The following RPRD2 variants were observed in gnomAD, a reference collection of about 807,000 sequenced individuals.
The protein encoded by RPRD2 is regulation of nuclear pre-mRNA domain-containing protein 2.
In RPRD2, 12 loss-of-function variants were observed where a neutral mutation model predicts 104.4. The ratio of observed to expected loss-of-function variants is 0.11; its 90% CI spans 0.07 to 0.19. RPRD2 has a LOEUF of 0.19. RPRD2 is among the 10% of genes least tolerant of loss of function. The pLI is 1.00. For synonymous variants in RPRD2, 714 were observed against 684.9 expected (o/e 1.04, Z -0.66); for missense variants, 1,543 against 1,790.1 (o/e 0.86, Z 2.49).
Position 150,470,774 on chromosome 1 carries a change from C to A in RPRD2, c.1826C>A (p.Ala609Asp). ...SEVSSTSASK[A>D]SIGQSPGLPS... ...GTCTCTTCAACTTCAGCCAGCAAGG[C>A]CTCAATTGGGCAAAGCCCAGGGCTC... Residue 609 changes from alanine to aspartate, a missense_variant, in exon 11 of 11, where the codon GCC becomes GAC. By Grantham distance (126) the Ala-to-Asp change is moderately radical (BLOSUM62 -2). Transcript: ENST00000369068. 1 of 1,614,044 alleles carries A rather than the reference C, an allele frequency of 6.2e-7. No individual in the cohort carries two copies. Among genetic ancestry groups the A allele is most frequent in the Non-Finnish European group, 8.5e-7 (1 of 1,179,906 alleles).
chr1:150,449,473 T>C (rs587772074), intron 7 of RPRD2, among the ~76,000 whole-genome samples: 4 of 152,282 alleles, frequency 2.6e-5, no homozygotes, highest in African/African-American at 9.6e-5. Context: ...TTTTAATTAA[T>C]CAAATAATTT....
At chr1:150,390,045 C>G (rs2102172870) in intron 1 of RPRD2, among the ~76,000 whole-genome samples, 1 of 152,248 alleles carries the variant, frequency 6.6e-6, no homozygotes, top group African/African-American at 2.4e-5. Context: ...AAAGCTTTCT[C>G]TGATTAGGCT....
rs1484543655 is a variant in RPRD2 at position 150,364,509 on chromosome 1, G to C, written c.-206G>C. 3.9e-6 allele frequency: 2 copies of C among 510,748 alleles called. No individual in the cohort carries two copies. The highest frequency in any genetic ancestry group is 6.4e-5 in the East Asian group (2 of 31,344). The allele number at this position is 510,748 out of a possible 1,614,324, so 31.6% of individuals were successfully genotyped here. A position where few individuals can be genotyped will look rare whatever the true frequency, so the allele number is the denominator to read the frequency against. ...CCTCCGAGACCCGCAGCCCCTCCTT[G>C]CAGCGTGTAGGAGCTGCCAGCGTGC... is the stretch of plus-strand genomic sequence containing the variant. On this transcript the variant is annotated 5_prime_UTR_variant, in exon 1 of 11. Coordinates refer to ENST00000369068, the MANE Select transcript of RPRD2 (RefSeq NM_015203.5).
At chr1:150,388,522 CAT>C (rs60120982) in intron 1 of RPRD2, among the ~76,000 whole-genome samples, 2 of 144,364 alleles carry the variant, frequency 1.4e-5, no homozygotes, top group South Asian at 2.2e-4. Flanking sequence ...CACACACACA[CAT>C]ATATACACCC....
Position 150,397,267 on chromosome 1 carries a change from C to A in RPRD2, c.206-20329C>A, listed in dbSNP as rs375233252. Among the ~76,000 whole-genome samples, 6 of 152,298 alleles carry A rather than the reference C, an allele frequency of 3.9e-5. No individual in the cohort carries two copies. In the East Asian group the frequency reaches 9.6e-4, roughly 24 times the overall value. On this transcript the variant is annotated intron_variant, in intron 1 of 10. Coordinates refer to ENST00000369068, the MANE Select transcript of RPRD2 (RefSeq NM_015203.5). Reference sequence around the variant, plus strand: ...GGGATTACAGGCGTCAGCCACTGCACCCGGCCACAACAGCAAGTCTTATTG... The same window carrying A: ...GGGATTACAGGCGTCAGCCACTGCAACCGGCCACAACAGCAAGTCTTATTG...
rs587665075 is a variant in RPRD2, at chr1:150,394,501, G to C, written c.206-23095G>C. Among the ~76,000 whole-genome samples, 7 of 152,304 alleles carry C rather than the reference G, an allele frequency of 4.6e-5. No individual in the cohort carries two copies. The South Asian group carries it at 1.5e-3, about 32-fold the overall frequency. ...TAAATGTTGTATATATAGAGAGATA[G>C]AGCTGATGCGGCAAGATATTAACGA... On this transcript the variant is annotated intron_variant, in intron 1 of 10. Transcript: ENST00000369068.
At chr1:150,379,702 A>G (rs1553880346) in intron 1 of RPRD2, among the ~76,000 whole-genome samples, 1 of 152,096 alleles carries the variant, frequency 6.6e-6, no homozygotes, top group African/African-American at 2.4e-5. Context: ...ACGCCTGGCA[A>G]ATTTTTGTAT....
intron 2 of RPRD2, among the ~76,000 whole-genome samples, chr1:150,423,146 A>G (rs1463790066): frequency 6.6e-6 from 1 of 152,186 alleles, no homozygotes; most frequent in Non-Finnish European, 1.5e-5. Context: ...TAGCTAAGGG[A>G]CAGAAATGCC....
At chr1:150,389,144 C>T (rs1025562051) in intron 1 of RPRD2, among the ~76,000 whole-genome samples, 4 of 152,108 alleles carry the variant, frequency 2.6e-5, no homozygotes, top group Admixed American at 2.0e-4. Context: ...CTAAGCAATC[C>T]TCCCACCTCA....
At chr1:150,465,556 C>G (rs1553899729) in intron 10 of RPRD2, among the ~76,000 whole-genome samples, 1 of 152,174 alleles carries the variant, frequency 6.6e-6, no homozygotes, top group Admixed American at 6.5e-5. Flanking sequence ...GTGAAAAGAT[C>G]TGCTTATGGT....
At chr1:150,432,313 G>A (rs79865889) in intron 2 of RPRD2, among the ~76,000 whole-genome samples, 3,831 of 152,076 alleles carry the variant, frequency 0.025, 157 homozygotes, top group African/African-American at 0.087. Context: ...GAATTGTTAG[G>A]TCCATAGAGA....
At chr1:150,407,964 A>T (rs1663606844) in intron 1 of RPRD2, among the ~76,000 whole-genome samples, 1 of 151,908 alleles carries the variant, frequency 6.6e-6, no homozygotes, top group Admixed American at 6.6e-5. Context: ...CCTGGAGTAT[A>T]GTAGCACAAC....
chr1:150,431,447 A>AT (rs1665563220), intron 2 of RPRD2, among the ~76,000 whole-genome samples: 1 of 144,628 alleles, frequency 6.9e-6, no homozygotes, highest in Non-Finnish European at 1.5e-5. Context: ...CAAACATGGA[A>AT]TATTATTCAG....
In RPRD2 at chr1:150,476,189, A is replaced by C. The variant is rs1365618429; in HGVS notation, c.*2855A>C. 1 of 152,172 alleles carries C rather than the reference A, an allele frequency of 6.6e-6. No individual in the cohort carries two copies. Among genetic ancestry groups the C allele is most frequent in the African/African-American group, 2.4e-5 (1 of 41,432 alleles). The allele number at this position is 152,172 out of a possible 1,614,324, so 9.4% of individuals were successfully genotyped here. ...GAGGGGAAAATAAGCAGAGAATAGG[A>C]CTTTTATACTTTCCAATACCAGGAA... On this transcript the variant is annotated 3_prime_UTR_variant, in exon 11 of 11. Transcript: ENST00000369068.
intron 1 of RPRD2, among the ~76,000 whole-genome samples, chr1:150,401,053 G>A (rs902425291): frequency 2.0e-5 from 3 of 152,036 alleles, no homozygotes; most frequent in African/African-American, 7.2e-5. Flanking sequence ...GCGGGCACCT[G>A]TAGTCACAGC....
chr1:150,464,603 T>C lies in RPRD2; in HGVS notation c.1488T>C (p.Pro496=). Residue 496 remains proline, a synonymous_variant, in exon 10 of 11, where the codon CCT becomes CCC. Transcript: ENST00000369068. The stretch of plus-strand genomic sequence containing the variant: ...ACCTCACCAGTGGCCTGAAAACACC[T>C]GCACCTGCCACGACAACATCTCACA... The part of the protein sequence containing the change: ...PSNLTSGLKT[P]APATTTSHNP... 1 of 1,609,232 alleles carries C rather than the reference T, an allele frequency of 6.2e-7. No individual in the cohort carries two copies. The highest frequency in any genetic ancestry group is 1.7e-4 in the Middle Eastern group (1 of 6,048).
intron 1 of RPRD2, among the ~76,000 whole-genome samples, chr1:150,388,505 A>G (rs1298715667): frequency 2.1e-5 from 3 of 146,198 alleles, no homozygotes; most frequent in South Asian, 2.1e-4. Flanking sequence ...GCGCACACAC[A>G]CACACACACA....
At position 150,472,884 on chromosome 1, in the gene RPRD2, G is replaced by A. The variant is rs1668689578; in HGVS notation, c.3936G>A (p.Leu1312=). 6.2e-7 allele frequency: 1 copy of A among 1,613,218 alleles called. No homozygotes were observed. Among genetic ancestry groups the A allele is most frequent in the Non-Finnish European group, 8.5e-7 (1 of 1,179,506 alleles). The part of the protein sequence containing the change: ...SGVVPFPAPP[L]AEHGVAGAVA... ...TTGTACCCTTCCCAGCCCCACCACTGGCAGAGCACGGAGTGGCAGGGGCTG... is the reference window on the plus strand; with the variant it reads ...TTGTACCCTTCCCAGCCCCACCACTAGCAGAGCACGGAGTGGCAGGGGCTG... Residue 1312 remains leucine, a synonymous_variant, in exon 11 of 11, where the codon CTG becomes CTA. Transcript: ENST00000369068.
At chr1:150,464,409 T>G in intron 9 of RPRD2, 118 bp from the exon 10 acceptor site, 5 of 727,058 alleles carry the variant, frequency 6.9e-6, no homozygotes, top group Non-Finnish European at 1.1e-5. Context: ...GGACCATTTG[T>G]GGATCAACCA....
Sources: allele counts gnomAD v4.1 joint callset (sites outside exome capture counted in the v4.1 genomes callset), GRCh38; gene constraint gnomAD v4.1.1; transcripts MANE v1.5; gene names NCBI Gene and HGNC (gene_info 2026-07-23, HGNC 2026-07-21).